The following TFG variants were observed in gnomAD, a reference collection of about 807,000 sequenced individuals.
TFG encodes protein TFG.
TFG carries 22 observed loss-of-function variants against 51.4 expected under a neutral mutation model. The ratio of observed to expected loss-of-function variants is 0.43; its 90% CI spans 0.31 to 0.61. The LOEUF is 0.61. Among genes scored for constraint, TFG ranks in the 20% least tolerant of loss-of-function variants. The probability of loss-of-function intolerance (pLI) is 0.12; values close to 1 mark genes in which losing one functional copy is unlikely to be tolerated. For missense variants in TFG, 419 were observed against 487.7 expected (o/e 0.86, Z 1.33); for synonymous variants, 187 against 165.6 (o/e 1.13, Z -0.99).
chr3:100,722,501 A>C (rs559594897), intron 3 of TFG, among the ~76,000 whole-genome samples: 81 of 152,308 alleles, frequency 5.3e-4, no homozygotes, highest in African/African-American at 1.9e-3. Flanking sequence ...GTTATATAAA[A>C]GCTATAGACC....
At chr3:100,722,113 T>C (rs1324793919) in intron 3 of TFG, among the ~76,000 whole-genome samples, 2 of 152,248 alleles carry the variant, frequency 1.3e-5, no homozygotes, top group East Asian at 1.9e-4. Flanking sequence ...ATCGCGCCAC[T>C]GCACTCCAGC....
chr3:100,733,658 C>T (rs566177508), intron 5 of TFG, among the ~76,000 whole-genome samples: 1 of 152,058 alleles, frequency 6.6e-6, no homozygotes, highest in Non-Finnish European at 1.5e-5. Flanking sequence ...TTTTCTGTTT[C>T]TTTGCCTGTC....
chr3:100,724,058 A>C (rs1464431190), intron 3 of TFG, among the ~76,000 whole-genome samples: 2 of 152,164 alleles, frequency 1.3e-5, no homozygotes, highest in Non-Finnish European at 1.5e-5. Flanking sequence ...ATTATAAATA[A>C]GTAGATAATG....
At chr3:100,724,565 A>G (rs549117878) in intron 3 of TFG, among the ~76,000 whole-genome samples, 3 of 152,328 alleles carry the variant, frequency 2.0e-5, no homozygotes, top group East Asian at 1.9e-4. Context: ...TATACAAACT[A>G]TTCAAGAGCA....
At chr3:100,714,098 A>G (rs751878413) in intron 2 of TFG, among the ~76,000 whole-genome samples, 1 of 151,876 alleles carries the variant, frequency 6.6e-6, no homozygotes, top group African/African-American at 2.4e-5. Context: ...TATTTTGCCC[A>G]TTTTTATTGG....
intron 2 of TFG, among the ~76,000 whole-genome samples, chr3:100,716,812 TC>T (rs750463614): frequency 6.6e-6 from 1 of 152,198 alleles, no homozygotes; most frequent in Non-Finnish European, 1.5e-5. Flanking sequence ...GAGCATTTTT[TC>T]ATATATTTAT....
At position 100,744,872 on chromosome 3, in the gene TFG, G is replaced by A. The variant is rs1360490824; in HGVS notation, c.761G>A (p.Gly254Asp). Residue 254 changes from glycine to aspartate, a missense_variant, in exon 7 of 8, where the codon GGT becomes GAT. By Grantham distance (94) the Gly-to-Asp change is moderately conservative (BLOSUM62 -1). Transcript: ENST00000240851. ...YQQYQQQAGY[G>D]AQQPQAPPQQ... ...CAGTACCAGCAACAGGCCGGCTATG[G>A]TGCACAGCAGCCGCAGGCTCCACCT... 3 of 1,613,470 alleles carry A rather than the reference G, an allele frequency of 1.9e-6. No homozygotes were observed. In the African/African-American group the frequency reaches 4.0e-5, roughly 22 times the overall value.
At position 100,727,455 on chromosome 3, in the gene TFG, G is replaced by A. The variant is rs374039705; in HGVS notation, c.269-1257G>A. Among the ~76,000 whole-genome samples, 12 of 152,266 alleles carry A rather than the reference G, an allele frequency of 7.9e-5. No individual in the cohort carries two copies. The East Asian group carries it at 1.5e-3, about 20-fold the overall frequency. ...AATCGCCCTGAACTTTTATTTTCAC[G>A]TAGATGTCCTTTTCTAATTAGGTGC... On this transcript the variant is annotated intron_variant, in intron 3 of 7. Coordinates refer to ENST00000240851, the MANE Select transcript of TFG (RefSeq NM_006070.6).
At chr3:100,728,975 C>A in intron 4 of TFG, 117 bp downstream of exon 4, 1 of 855,664 alleles carries the variant, frequency 1.2e-6, no homozygotes, top group South Asian at 2.1e-5. Context: ...TTGTTTCTTC[C>A]TCTGCCTCTC....
chr3:100,713,690 A>G lies in TFG; in HGVS notation c.5A>G (p.Asn2Ser). The G allele has an allele frequency of 6.3e-7, 1 of 1,599,138 alleles. No homozygotes were observed. The highest frequency in any genetic ancestry group is 8.5e-7 in the Non-Finnish European group (1 of 1,170,616). ...TAGAACATCCTGGAGTCCACCATGA[A>G]CGGACAGTTGGATCTAAGTGGGAAG... M[N>S]GQLDLSGKLI... Residue 2 changes from asparagine to serine, a missense_variant, in exon 2 of 8, where the codon AAC (asparagine) becomes AGC (serine). Transcript: ENST00000240851.
chr3:100,731,303 T>C (rs2095091047), intron 4 of TFG, among the ~76,000 whole-genome samples: 1 of 152,168 alleles, frequency 6.6e-6, no homozygotes, highest in South Asian at 2.1e-4. Flanking sequence ...TGGACTTGGA[T>C]TCCTATTTGT....
intron 3 of TFG, among the ~76,000 whole-genome samples, chr3:100,726,614 A>G (rs2095076641): frequency 6.6e-6 from 1 of 152,224 alleles, no homozygotes; most frequent in Non-Finnish European, 1.5e-5. Flanking sequence ...ATGTAAATGC[A>G]AGGTTCTTAA....
At chr3:100,744,958 C>CT (rs767327465) in intron 7 of TFG, 27 bp downstream of exon 7, 95 of 1,521,584 alleles carry the variant, frequency 6.2e-5, no homozygotes, top group Non-Finnish European at 8.6e-5. Flanking sequence ...AGGGAGTTGG[C>CT]TCATGGTTTT....
rs1295139107 is a variant in TFG at position 100,719,987 on chromosome 3, T to C, written c.197T>C (p.Ile66Thr). The change falls in exon 3 of 8, where the codon ATA becomes ACA. Residue 66 changes from isoleucine to threonine, a missense_variant. By Grantham distance (89) the Ile-to-Thr change is moderately conservative (BLOSUM62 -1). Transcript: ENST00000240851. ...TTTTAAATTCCAGATGGAGATCTTA[T>C]AACAATTTTTGATAGTTCTGACCTT... ...IKYKDEDGDL[I>T]TIFDSSDLSF... 4.5e-6 allele frequency: 7 copies of C among 1,556,592 alleles called. No individual in the cohort carries two copies. Among genetic ancestry groups the C allele is most frequent in the South Asian group, 2.4e-5 (2 of 81,754 alleles).
At chr3:100,726,241 T>C (rs995657578) in intron 3 of TFG, among the ~76,000 whole-genome samples, 7 of 152,226 alleles carry the variant, frequency 4.6e-5, no homozygotes, top group African/African-American at 1.7e-4. Context: ...AGCAAGCATC[T>C]GGCATAGGAG....
chr3:100,725,029 G>C (rs139267538), intron 3 of TFG, among the ~76,000 whole-genome samples: 2,215 of 152,218 alleles, frequency 0.015, 50 homozygotes, highest in African/African-American at 0.05. Flanking sequence ...TCAGCTTCCC[G>C]AGTAGCTGGG....
At chr3:100,716,305 A>T (rs2095046376) in intron 2 of TFG, among the ~76,000 whole-genome samples, 1 of 152,126 alleles carries the variant, frequency 6.6e-6, no homozygotes, top group Non-Finnish European at 1.5e-5. Context: ...TATGAGAGAG[A>T]GCATGTGGTA....
At chr3:100,731,692 G>C (rs1315670411) in intron 4 of TFG, among the ~76,000 whole-genome samples, 3 of 152,062 alleles carry the variant, frequency 2.0e-5, no homozygotes, top group African/African-American at 7.2e-5. Flanking sequence ...GAGTAGCTGG[G>C]ATTACAGGCA....
chr3:100,709,378 G>A (rs899134110), upstream of TFG: 1 of 152,556 alleles, frequency 6.6e-6, no homozygotes, highest in African/African-American at 2.4e-5. Flanking sequence ...CTTCGGCCTA[G>A]GCAGCCGGGA....
Sources: allele counts gnomAD v4.1 joint callset (sites outside exome capture counted in the v4.1 genomes callset), GRCh38; gene constraint gnomAD v4.1.1; transcripts MANE v1.5; gene names NCBI Gene and HGNC (gene_info 2026-07-23, HGNC 2026-07-21).